PPM1H: variants seen among roughly 807,000 people sequenced by gnomAD.
PPM1H encodes protein phosphatase, Mg2+/Mn2+ dependent 1H, also known as protein phosphatase 1H.
PPM1H carries 27 observed loss-of-function variants against 54.9 expected under a neutral mutation model. The ratio of observed to expected loss-of-function variants is 0.49; its 90% CI spans 0.36 to 0.68. PPM1H has a LOEUF of 0.68. PPM1H is among the 30% of genes least tolerant of loss of function. The probability of loss-of-function intolerance (pLI) is 0.00; values close to 1 mark genes in which losing one functional copy is unlikely to be tolerated. For synonymous variants in PPM1H, 305 were observed against 270.8 expected (o/e 1.13, Z -1.24); for missense variants, 596 against 667.8 (o/e 0.89, Z 1.19).
chr12:62,681,899 G>A (rs2076020771), intron 8 of PPM1H, among the ~76,000 whole-genome samples: 1 of 152,234 alleles, frequency 6.6e-6, no homozygotes. Context: ...TATTTATTAT[G>A]CCAGGTTTTT....
intron 1 of PPM1H, among the ~76,000 whole-genome samples, chr12:62,862,803 G>T (rs1035346891): frequency 6.6e-6 from 1 of 152,084 alleles, no homozygotes; most frequent in Non-Finnish European, 1.5e-5. Flanking sequence ...TATATGAAAG[G>T]CAGAGATATA....
In PPM1H at chr12:62,720,263, T is replaced by C. The variant is rs1235826769; in HGVS notation, c.981A>G (p.Gly327=). The change falls in exon 6 of 10, where the codon GGA becomes GGG. Residue 327 remains glycine (G), a synonymous_variant. Transcript: ENST00000228705. ...GAAACTCCAAATGTGTGAACTCATT[T>C]CCCAGCAAGTGAGGCTGCATGAATG... ...YLAFMQPHLL[G]NEFTHLEFPR... 1.9e-6 allele frequency: 3 copies of C among 1,613,372 alleles called. No homozygotes were observed. The highest frequency in any genetic ancestry group is 1.3e-5 in the African/African-American group (1 of 74,858).
chr12:62,720,102 T>A, intron 6 of PPM1H, 69 bp downstream of exon 6: 1 of 1,325,294 alleles, frequency 7.5e-7, no homozygotes, highest in South Asian at 1.2e-5. Context: ...TGTAACTGGC[T>A]GTTTATGGTG....
chr12:62,813,931 G>C (rs1419564195), intron 2 of PPM1H, among the ~76,000 whole-genome samples: 2 of 152,014 alleles, frequency 1.3e-5, no homozygotes, highest in Admixed American at 6.5e-5. Context: ...TTAAAACGTT[G>C]CCTTTTCATC....
At chr12:62,737,311 C>T (rs543996742) in intron 5 of PPM1H, among the ~76,000 whole-genome samples, 191 bp downstream of exon 5, 3 of 151,430 alleles carry the variant, frequency 2.0e-5, no homozygotes, top group South Asian at 2.1e-4. Context: ...AATAAATTCA[C>T]GGAGGTGGAG....
chr12:62,759,140 T>C (rs1016613750), intron 4 of PPM1H, among the ~76,000 whole-genome samples: 3 of 152,220 alleles, frequency 2.0e-5, no homozygotes, highest in Non-Finnish European at 4.4e-5. Flanking sequence ...CCAGGTGAAA[T>C]AAACAGCCAT....
At chr12:62,654,797 T>A (rs1035993520) in intron 9 of PPM1H, among the ~76,000 whole-genome samples, 1 of 152,146 alleles carries the variant, frequency 6.6e-6, no homozygotes, top group African/African-American at 2.4e-5. Flanking sequence ...CTCCTCCTCA[T>A]AAAACCTCAG....
chr12:62,764,890 GGT>G (rs2120625590), intron 4 of PPM1H, among the ~76,000 whole-genome samples: 1 of 152,354 alleles, frequency 6.6e-6, no homozygotes, highest in African/African-American at 2.4e-5. Flanking sequence ...AAGGCCGCAT[GGT>G]GGCGGATGCT....
chr12:62,783,344 C>T (rs1398380470), intron 4 of PPM1H, among the ~76,000 whole-genome samples: 1 of 152,146 alleles, frequency 6.6e-6, no homozygotes, highest in African/African-American at 2.4e-5. Flanking sequence ...AACTAAGATG[C>T]CATTGATTAT....
chr12:62,653,193 C>T (rs574964121), intron 9 of PPM1H, among the ~76,000 whole-genome samples: 1 of 152,228 alleles, frequency 6.6e-6, no homozygotes, highest in African/African-American at 2.4e-5. Context: ...TAAGACATAA[C>T]AAAAAGGAGC....
chr12:62,779,449 A>G (rs17098313), intron 4 of PPM1H, among the ~76,000 whole-genome samples: 19,543 of 152,230 alleles, frequency 0.13, 1,592 homozygotes, highest in African/African-American at 0.23. Flanking sequence ...AGAACCCACT[A>G]CATTCTTCAG....
Position 62,773,149 on chromosome 12 carries a change from A to AAAAACAAAACAAAAC in PPM1H, c.869+15062_869+15076dup, listed in dbSNP as rs376689900. ...GTGACAGAGCGAGACTCCGTCTCAA[A>AAAAACAAAACAAAAC]AAAACAAAACAAAACAAAACAAAAC... On this transcript the variant is annotated intron_variant, in intron 4 of 9. Transcript: ENST00000228705. Among the ~76,000 whole-genome samples, 683 of 152,058 alleles carry AAAAACAAAACAAAAC rather than the reference A, an allele frequency of 4.5e-3. 7 individuals are homozygous for AAAAACAAAACAAAAC. The highest frequency in any genetic ancestry group is 0.015 in the African/African-American group (638 of 41,354).
rs138239841 is a variant in PPM1H at position 62,924,795 on chromosome 12, G to A, written c.245+9697C>T. Among the ~76,000 whole-genome samples, 927 of 152,084 alleles carry A rather than the reference G, an allele frequency of 6.1e-3. 6 individuals carry two copies. Among genetic ancestry groups the A allele is most frequent in the African/African-American group, 0.021 (851 of 41,494 alleles). On this transcript the variant is annotated intron_variant, in intron 1 of 9. Transcript: ENST00000228705. ...GGTGGCTCACGCCTGCACTCCCAGC[G>A]CTTTGGGAGGCAAAGGCAGGTGGAT...
chr12:62,650,894 G>A (rs931800745), intron 9 of PPM1H, among the ~76,000 whole-genome samples: 10 of 152,084 alleles, frequency 6.6e-5, no homozygotes, highest in African/African-American at 2.4e-4. Flanking sequence ...AGATTTGGGT[G>A]GGGACACAGA....
chr12:62,725,156 C>G (rs2120479936), intron 5 of PPM1H, among the ~76,000 whole-genome samples: 1 of 152,336 alleles, frequency 6.6e-6, no homozygotes, highest in South Asian at 2.1e-4. Context: ...TCCTCAAACT[C>G]CTCCGCACAA....
At chr12:62,757,161 T>C (rs1467701215) in intron 4 of PPM1H, among the ~76,000 whole-genome samples, 1 of 152,138 alleles carries the variant, frequency 6.6e-6, no homozygotes, top group Non-Finnish European at 1.5e-5. Flanking sequence ...CCATACTCCC[T>C]CATGCTCTCG....
At chr12:62,729,394 T>C (rs1052237952) in intron 5 of PPM1H, among the ~76,000 whole-genome samples, 4 of 152,286 alleles carry the variant, frequency 2.6e-5, no homozygotes, top group Middle Eastern at 6.8e-3. Flanking sequence ...AGTGCAGACA[T>C]TGGCACCAAA....
At chr12:62,658,028 G>A (rs1250608618) in intron 9 of PPM1H, among the ~76,000 whole-genome samples, 2 of 135,786 alleles carry the variant, frequency 1.5e-5, no homozygotes, top group Non-Finnish European at 1.5e-5. Context: ...TCATGGCAGG[G>A]AGACAGAGGG....
At chr12:62,687,567 T>C (rs1482458121) in intron 8 of PPM1H, among the ~76,000 whole-genome samples, 1 of 152,104 alleles carries the variant, frequency 6.6e-6, no homozygotes. Context: ...CAGTACTTTT[T>C]TTTTTTTTTT....
Sources: allele counts gnomAD v4.1 joint callset (sites outside exome capture counted in the v4.1 genomes callset), GRCh38; gene constraint gnomAD v4.1.1; transcripts MANE v1.5; gene names NCBI Gene and HGNC (gene_info 2026-07-23, HGNC 2026-07-21).